The following OR1D2 variants were observed in gnomAD, a reference collection of about 807,000 sequenced individuals.
OR1D2 encodes the protein olfactory receptor family 1 subfamily D member 2, also known as olfactory receptor 1D2.
For synonymous variants in OR1D2, 157 were observed against 153.9 expected, an observed-to-expected ratio of 1.02 and a Z score of -0.15; for missense variants, 357 against 376.1, an observed-to-expected ratio of 0.95 and a Z score of 0.42.
chr17:3,098,214 TG>T (rs1479103514), intron 1 of OR1D2, among the ~76,000 whole-genome samples: 1 of 152,174 alleles, frequency 6.6e-6, no homozygotes, highest in Non-Finnish European at 1.5e-5. Flanking sequence ...GCCACCCAAC[TG>T]GGTGAGACCC....
chr17:3,103,991 CA>C (rs1896177419), intron 1 of OR1D2, 107 bp downstream of exon 1: 1 of 151,980 alleles, frequency 6.6e-6, no homozygotes, highest in Non-Finnish European at 1.5e-5. Flanking sequence ...CATGAGTTCC[CA>C]AAGTGTGTGA....
chr17:3,094,882 G>T (rs931799609), intron 1 of OR1D2, among the ~76,000 whole-genome samples: 1 of 152,096 alleles, frequency 6.6e-6, no homozygotes, highest in Non-Finnish European at 1.5e-5. Context: ...TAACTGAAAT[G>T]AAGATTTTAT....
At chr17:3,098,188 G>A (rs760588664) in intron 1 of OR1D2, among the ~76,000 whole-genome samples, 4 of 152,180 alleles carry the variant, frequency 2.6e-5, no homozygotes, top group Non-Finnish European at 5.9e-5. Flanking sequence ...TTCGTTAAAC[G>A]GATCTTTTTC....
Position 3,092,680 on chromosome 17 carries a change from G to A in OR1D2, c.317C>T (p.Ser106Phe). 6.2e-7 allele frequency: 1 copy of A among 1,614,158 alleles called. No homozygotes were observed. The highest frequency in any genetic ancestry group is 8.5e-7 in the Non-Finnish European group (1 of 1,180,024). Residue 106 changes from serine (S) to phenylalanine (F), a missense_variant, in exon 2 of 2, where the codon TCC becomes TTC. Ser to Phe is a radical substitution (Grantham distance 155, BLOSUM62 -2). Transcript: ENST00000641833. Reference sequence around the variant, plus strand: ...GATGAGGTTGTCCAGGGCCACCAAGGAGACCAGGAAGTAGAGCTGTGTCAG... The same window carrying A: ...GATGAGGTTGTCCAGGGCCACCAAGAAGACCAGGAAGTAGAGCTGTGTCAG... ...GCLTQLYFLVSLVALDNLILA... is the reference protein window; with the variant it reads ...GCLTQLYFLVFLVALDNLILA...
In OR1D2 at chr17:3,092,268, G is replaced by A; in HGVS notation, c.729C>T (p.Ser243=). 6.2e-7 allele frequency: 1 copy of A among 1,614,164 alleles called. No individual in the cohort carries two copies. Among genetic ancestry groups the A allele is most frequent in the Non-Finnish European group, 8.5e-7 (1 of 1,180,024 alleles). Residue 243 remains serine, a synonymous_variant, in exon 2 of 2, where the codon TCC becomes TCT. Transcript: ENST00000641833. ...AGAAGAGGGAGACTGCACCCAAATGGGAGGCACAGGTGGAGAAGGCTTTGT... is the reference window on the plus strand; with the variant it reads ...AGAAGAGGGAGACTGCACCCAAATGAGAGGCACAGGTGGAGAAGGCTTTGT... ...KKYKAFSTCA[S]HLGAVSLFYG...
In OR1D2 at chr17:3,104,399, A is replaced by C. The variant is rs1277892739; in HGVS notation, c.-351T>G. ...TGAAGAAACGGGATGAACAGGGAGC[A>C]CATCAGGTCTGCTTATCCATTTTGG... On this transcript the variant is annotated 5_prime_UTR_variant, in exon 1 of 2. Transcript: ENST00000641833. 1.3e-5 allele frequency: 2 copies of C among 152,226 alleles called. No homozygotes were observed. Among genetic ancestry groups the C allele is most frequent in the African/African-American group, 2.4e-5 (1 of 41,472 alleles). The allele number at this position is 152,226 out of a possible 1,614,324, so 9.4% of individuals were successfully genotyped here. A position where few individuals can be genotyped will look rare whatever the true frequency, so the allele number is the denominator to read the frequency against.
chr17:3,098,881 A>G (rs538743254), intron 1 of OR1D2, among the ~76,000 whole-genome samples: 1 of 152,344 alleles, frequency 6.6e-6, no homozygotes, highest in Non-Finnish European at 1.5e-5. Context: ...TTCATGAAGC[A>G]TGCACAAGTA....
At position 3,092,517 on chromosome 17, in the gene OR1D2, G is replaced by A. The variant is rs758870644; in HGVS notation, c.480C>T (p.Thr160=). The A allele has an allele frequency of 6.2e-7, 1 of 1,614,032 alleles. No individual in the cohort carries two copies. Among genetic ancestry groups the A allele is most frequent in the South Asian group, 1.1e-5 (1 of 91,082 alleles). ...AGAAGGTCACTCTGGTCATGAGGAG[G>A]GTGTGTATGAGGCCATAGAGGACGG... The part of the protein sequence containing the change: ...VLSVLYGLIH[T]LLMTRVTFCG... Residue 160 remains threonine, a synonymous_variant, in exon 2 of 2, where the codon ACC becomes ACT. Transcript: ENST00000641833.
In OR1D2 at chr17:3,095,817, C is replaced by T. The variant is rs184026335; in HGVS notation, c.-50-2771G>A. ...AGAAATATATGTATAACATGTTTGT[C>T]GATTACAGCATAAAGGAGCTGGGTG... On this transcript the variant is annotated intron_variant, in intron 1 of 1. Coordinates refer to ENST00000641833, the MANE Select transcript of OR1D2 (RefSeq NM_002548.3). Among the ~76,000 whole-genome samples the T allele has an allele frequency of 3.0e-4, 45 of 151,592 alleles. No homozygotes were observed. In the East Asian group the frequency reaches 6.4e-3, roughly 22 times the overall value.
In OR1D2 at chr17:3,092,257, G is replaced by A; in HGVS notation, c.740C>T (p.Ala247Val). 2 of 1,614,198 alleles carry A rather than the reference G, an allele frequency of 1.2e-6. No individual in the cohort carries two copies. Among genetic ancestry groups the A allele is most frequent in the African/African-American group, 1.3e-5 (1 of 75,050 alleles). Residue 247 changes from alanine to valine, a missense_variant, in exon 2 of 2, where the codon GCA (alanine) becomes GTA (valine). Transcript: ENST00000641833. Reference sequence around the variant, plus strand: ...AAGTGTCCCATAGAAGAGGGAGACTGCACCCAAATGGGAGGCACAGGTGGA... The same window carrying A: ...AAGTGTCCCATAGAAGAGGGAGACTACACCCAAATGGGAGGCACAGGTGGA... ...AFSTCASHLG[A>V]VSLFYGTLCM...
chr17:3,099,340 C>T (rs1279574137), intron 1 of OR1D2, among the ~76,000 whole-genome samples: 2 of 152,180 alleles, frequency 1.3e-5, no homozygotes, highest in Admixed American at 6.5e-5. Flanking sequence ...TGCAGAAACC[C>T]TACAAGATAG....
At chr17:3,101,151 A>T (rs1466761505) in intron 1 of OR1D2, among the ~76,000 whole-genome samples, 1 of 152,056 alleles carries the variant, frequency 6.6e-6, no homozygotes, top group Non-Finnish European at 1.5e-5. Context: ...AAAAGGAGAG[A>T]CTCCTCCTTA....
Position 3,092,345 on chromosome 17 carries a change from A to G in OR1D2, c.652T>C (p.Tyr218His), listed in dbSNP as rs1231133019. 2.2e-5 allele frequency: 35 copies of G among 1,614,128 alleles called. No homozygotes were observed. Among genetic ancestry groups the G allele is most frequent in the Non-Finnish European group, 2.9e-5 (34 of 1,180,052 alleles). The change falls in exon 2 of 2, where the codon TAT (tyrosine) becomes CAT (histidine). Residue 218 changes from tyrosine to histidine, a missense_variant. Coordinates refer to ENST00000641833, the MANE Select transcript of OR1D2 (RefSeq NM_002548.3). ...LIPFGFVIIS[Y>H]VLIIRAILRI... ...AGGATGGCTCTGATAATCAGCACATAGGAAATGATCACGAATCCAAAGGGA... is the reference window on the plus strand; with the variant it reads ...AGGATGGCTCTGATAATCAGCACATGGGAAATGATCACGAATCCAAAGGGA...
Position 3,092,344 on chromosome 17 carries a change from T to C in OR1D2, c.653A>G (p.Tyr218Cys). 6.2e-7 allele frequency: 1 copy of C among 1,614,072 alleles called. No individual in the cohort carries two copies. The highest frequency in any genetic ancestry group is 1.1e-5 in the South Asian group (1 of 91,070). ...LIPFGFVIISYVLIIRAILRI... is the reference protein window; with the variant it reads ...LIPFGFVIISCVLIIRAILRI... ...GAGGATGGCTCTGATAATCAGCACA[T>C]AGGAAATGATCACGAATCCAAAGGG... is the stretch of plus-strand genomic sequence containing the variant. Residue 218 changes from tyrosine (Y) to cysteine (C), a missense_variant, in exon 2 of 2, where the codon TAT (tyrosine) becomes TGT (cysteine). Physicochemically the swap from Tyr to Cys is radical, Grantham distance 194 (BLOSUM62 -2). Transcript: ENST00000641833.
intron 1 of OR1D2, among the ~76,000 whole-genome samples, chr17:3,098,986 A>G (rs182113713): frequency 2.0e-5 from 3 of 152,308 alleles, no homozygotes; most frequent in Non-Finnish European, 2.9e-5. Flanking sequence ...GAGAAAAAAG[A>G]ATGAAAAGAA....
chr17:3,091,936 A>T lies in OR1D2; in HGVS notation c.*122T>A. 1.3e-6 allele frequency: 1 copy of T among 745,728 alleles called. No individual in the cohort carries two copies. Among genetic ancestry groups the T allele is most frequent in the East Asian group, 2.5e-5 (1 of 39,444 alleles). 46.2% of individuals were successfully genotyped at this position (745,728 alleles called of 1,614,324 possible). Reference sequence around the variant, plus strand: ...ATGTCTTTTTTATCACCACATATCTATATGCTGTCTCTGAGCTGGAGCCAT... The same window carrying T: ...ATGTCTTTTTTATCACCACATATCTTTATGCTGTCTCTGAGCTGGAGCCAT... On this transcript the variant is annotated 3_prime_UTR_variant, in exon 2 of 2. Transcript: ENST00000641833.
At chr17:3,100,300 G>A (rs2047868773) in intron 1 of OR1D2, among the ~76,000 whole-genome samples, 1 of 152,048 alleles carries the variant, frequency 6.6e-6, no homozygotes, top group Admixed American at 6.6e-5. Context: ...CTCAGCAAAT[G>A]AAAAAGAACT....
intron 1 of OR1D2, among the ~76,000 whole-genome samples, chr17:3,102,112 GC>G (rs376610114): frequency 6.6e-6 from 1 of 152,296 alleles, no homozygotes; most frequent in African/African-American, 2.4e-5. Context: ...TGGAAAACCA[GC>G]CAGTGTGCCA....
rs968290489 is a variant in OR1D2, at chr17:3,088,890, T to TG, written c.*3167_*3168insC. 3.9e-4 allele frequency: 33 copies of TG among 84,878 alleles called. No individual in the cohort carries two copies. In the East Asian group the frequency reaches 6.1e-3, roughly 16 times the overall value. The allele number at this position is 84,878 out of a possible 1,614,324, so 5.3% of individuals were successfully genotyped here. On this transcript the variant is annotated 3_prime_UTR_variant, in exon 2 of 2. Coordinates refer to ENST00000641833, the MANE Select transcript of OR1D2 (RefSeq NM_002548.3). ...TATGAGGGGTGGTCTCCACCCTTAC[T>TG]TTTTTTTTTTTTAATTTAAGTTGAA...
Sources: allele counts gnomAD v4.1 joint callset (sites outside exome capture counted in the v4.1 genomes callset), GRCh38; gene constraint gnomAD v4.1.1; transcripts MANE v1.5; gene names NCBI Gene and HGNC (gene_info 2026-07-23, HGNC 2026-07-21).